SLC39A11: variants seen among roughly 807,000 people sequenced by gnomAD.
SLC39A11 encodes solute carrier family 39 member 11.
In SLC39A11, 33 loss-of-function variants were observed where a neutral mutation model predicts 36.1. The observed-to-expected ratio is 0.91, with a 90% CI of 0.69 to 1.22. The LOEUF (loss-of-function observed/expected upper bound fraction) is 1.22, where lower values mean the gene tolerates loss of function less well. SLC39A11 is among the 50% of genes most tolerant of loss of function. The pLI is 0.00. For synonymous variants in SLC39A11, 166 were observed against 170.3 expected, an observed-to-expected ratio of 0.97 and a Z score of 0.20; for missense variants, 432 against 430.3, an observed-to-expected ratio of 1.00 and a Z score of -0.03.
chr17:72,697,760 A>G (rs1203078687), intron 7 of SLC39A11, among the ~76,000 whole-genome samples: 1 of 84,190 alleles, frequency 1.2e-5, no homozygotes, highest in Non-Finnish European at 2.4e-5. Context: ...CCCGACCCTC[A>G]TGATCCTAGG....
intron 3 of SLC39A11, among the ~76,000 whole-genome samples, chr17:73,051,286 T>C (rs1354473745): frequency 6.6e-6 from 1 of 152,202 alleles, no homozygotes; most frequent in African/African-American, 2.4e-5. Context: ...TGACCTCATC[T>C]TAACTTGATT....
intron 6 of SLC39A11, among the ~76,000 whole-genome samples, chr17:72,761,094 T>C (rs1355792792): frequency 6.6e-6 from 1 of 152,134 alleles, no homozygotes; most frequent in East Asian, 1.9e-4. Context: ...GTTCATCAAA[T>C]TCCACCCCAG....
At chr17:72,837,878 G>T in intron 6 of SLC39A11, 1 of 1,095,800 alleles carries the variant, frequency 9.1e-7, no homozygotes, top group Non-Finnish European at 1.2e-6. Context: ...TGCAGGGGCT[G>T]GAGGGAGGGA....
At chr17:72,966,926 T>C (rs565416058) in intron 4 of SLC39A11, among the ~76,000 whole-genome samples, 1 of 152,284 alleles carries the variant, frequency 6.6e-6, no homozygotes, top group East Asian at 1.9e-4. Flanking sequence ...GAGCTCCACC[T>C]CCTGTCAGAT....
chr17:72,888,281 A>G (rs1188569921), intron 5 of SLC39A11, among the ~76,000 whole-genome samples: 1 of 152,338 alleles, frequency 6.6e-6, no homozygotes, highest in Admixed American at 6.5e-5. Context: ...TATGCCTTCT[A>G]TTTCTTTGGT....
At chr17:72,814,676 C>T (rs987848410) in intron 6 of SLC39A11, among the ~76,000 whole-genome samples, 1 of 152,154 alleles carries the variant, frequency 6.6e-6, no homozygotes, top group Admixed American at 6.5e-5. Flanking sequence ...AAGGTTAACC[C>T]GAGAGATCAG....
At chr17:73,058,318 C>T (rs1015144087) in intron 3 of SLC39A11, among the ~76,000 whole-genome samples, 1 of 152,096 alleles carries the variant, frequency 6.6e-6, no homozygotes, top group Non-Finnish European at 1.5e-5. Flanking sequence ...TGAAAACAGT[C>T]GGGGGATAAA....
chr17:72,690,737 G>C (rs1205519362), intron 7 of SLC39A11, among the ~76,000 whole-genome samples: 2 of 152,176 alleles, frequency 1.3e-5, no homozygotes, highest in Non-Finnish European at 2.9e-5. Context: ...GAAGGAAAGA[G>C]AGGTGGTGGA....
At chr17:72,909,740 TTTC>T (rs375090034) in intron 5 of SLC39A11, among the ~76,000 whole-genome samples, 1,365 of 103,656 alleles carry the variant, frequency 0.013, 15 homozygotes, top group African/African-American at 0.039. Flanking sequence ...CTTTCTTTTT[TTTC>T]TTTTTTCTTT....
At chr17:72,660,890 G>A (rs1389487844) in intron 7 of SLC39A11, among the ~76,000 whole-genome samples, 4 of 152,182 alleles carry the variant, frequency 2.6e-5, no homozygotes, top group African/African-American at 4.8e-5. Context: ...TCCAGACATG[G>A]CCAAATGTCT....
intron 6 of SLC39A11, among the ~76,000 whole-genome samples, chr17:72,781,068 T>C (rs1472746834): frequency 6.6e-6 from 1 of 152,248 alleles, no homozygotes; most frequent in Non-Finnish European, 1.5e-5. Flanking sequence ...TGAGCTCTAA[T>C]CCCCAAACTG....
intron 5 of SLC39A11, among the ~76,000 whole-genome samples, chr17:72,873,170 C>T (rs1359452822): frequency 6.6e-6 from 1 of 151,780 alleles, no homozygotes; most frequent in Non-Finnish European, 1.5e-5. Context: ...TATTATAAAA[C>T]CTAAGACTGG....
chr17:72,916,896 C>T (rs769343713), intron 5 of SLC39A11, among the ~76,000 whole-genome samples: 1 of 152,200 alleles, frequency 6.6e-6, no homozygotes, highest in African/African-American at 2.4e-5. Context: ...AATACCCACA[C>T]GTTCCACACA....
chr17:73,029,117 C>T lies in SLC39A11; in HGVS notation c.306+2439G>A, dbSNP rs1158486738. Among the ~76,000 whole-genome samples, 38 of 39,468 alleles carry T rather than the reference C, an allele frequency of 9.6e-4. 2 individuals are homozygous for T. Among genetic ancestry groups the T allele is most frequent in the Non-Finnish European group, 9.1e-4 (9 of 9,852 alleles). The allele number at this position is 39,468 out of a possible 152,430, so 25.9% of individuals were successfully genotyped here. ...TGGGTGACAGAGTGAGACGCCGTCA[C>T]ACACACACAAAAAAAAATTACTGCT... On this transcript the variant is annotated intron_variant, in intron 4 of 9. Coordinates refer to ENST00000255559, the MANE Select transcript of SLC39A11 (RefSeq NM_139177.4).
At chr17:72,924,272 T>C (rs2452908) in intron 5 of SLC39A11, among the ~76,000 whole-genome samples, 399 of 150,598 alleles carry the variant, frequency 2.6e-3, no homozygotes, top group African/African-American at 9.4e-3. Flanking sequence ...CACCTCGCCC[T>C]ACCCTAACCC....
chr17:73,043,461 T>C (rs1212987998), intron 3 of SLC39A11, among the ~76,000 whole-genome samples: 2 of 152,170 alleles, frequency 1.3e-5, no homozygotes, highest in African/African-American at 4.8e-5. Flanking sequence ...CAGAAACAGA[T>C]TTGCCAGGGC....
chr17:72,959,979 T>C (rs146873219), intron 4 of SLC39A11, among the ~76,000 whole-genome samples: 57 of 152,324 alleles, frequency 3.7e-4, no homozygotes, highest in African/African-American at 1.2e-3. Flanking sequence ...GTGAGGTCTA[T>C]TTCATAAGCA....
At position 72,647,235 on chromosome 17, in the gene SLC39A11, C is replaced by T. The variant is rs867397409; in HGVS notation, c.*349G>A. 7.8e-5 allele frequency: 14 copies of T among 179,668 alleles called. No individual in the cohort carries two copies. The highest frequency in any genetic ancestry group is 2.1e-4 in the African/African-American group (9 of 41,944). 11.1% of individuals were successfully genotyped at this position (179,668 alleles called of 1,614,324 possible). A position where few individuals can be genotyped will look rare whatever the true frequency, so the allele number is the denominator to read the frequency against. On this transcript the variant is annotated 3_prime_UTR_variant, in exon 10 of 10. Coordinates refer to ENST00000255559, the MANE Select transcript of SLC39A11 (RefSeq NM_139177.4). ...GCTTAGGAGACGTCTTTTGGTAGCT[C>T]GCTTCTATAGGTGACCTTGAGGAGT...
chr17:72,876,732 C>T (rs773149860), intron 5 of SLC39A11, among the ~76,000 whole-genome samples: 7 of 152,206 alleles, frequency 4.6e-5, no homozygotes, highest in Non-Finnish European at 1.0e-4. Context: ...GGTTCCATTT[C>T]TTCCCTGCTA....
Sources: gnomAD v4.1 joint callset for allele counts (sites outside exome capture counted in the v4.1 genomes callset) on GRCh38, gnomAD v4.1.1 for gene constraint, MANE v1.5 for transcripts, NCBI Gene and HGNC (gene_info 2026-07-23, HGNC 2026-07-21) for gene names.